The following MAF variants were observed in gnomAD, a reference collection of about 807,000 sequenced individuals.
The protein encoded by MAF is transcription factor Maf.
In MAF, 10 loss-of-function variants were observed where a neutral mutation model predicts 22.0. That is an observed-to-expected ratio of 0.45 (90% CI 0.28 to 0.77). The LOEUF is 0.77. Among genes scored for constraint, MAF ranks in the 30% least tolerant of loss-of-function variants. The pLI, the probability that MAF is intolerant of heterozygous loss-of-function variation, is 0.12. For missense variants in MAF, 544 were observed against 548.4 expected (o/e 0.99, Z 0.08); for synonymous variants, 337 against 255.8 (o/e 1.32, Z -3.03).
the MAF span, among the ~76,000 whole-genome samples, chr16:79,546,173 T>A: frequency 6.6e-6 from 1 of 152,122 alleles, no homozygotes; most frequent in Admixed American, 6.5e-5. Flanking sequence ...TTTTATTGGA[T>A]AAAGGACAAA....
the MAF span, among the ~76,000 whole-genome samples, chr16:79,220,906 A>C: frequency 6.6e-6 from 1 of 152,114 alleles, no homozygotes; most frequent in South Asian, 2.1e-4. Flanking sequence ...AGCACTGTTA[A>C]CCTTACCGGG....
chr16:79,416,654 T>C, the MAF span, among the ~76,000 whole-genome samples: 1 of 152,178 alleles, frequency 6.6e-6, no homozygotes, highest in East Asian at 1.9e-4. Flanking sequence ...TCAGATATTG[T>C]TCCTGGGAGC....
chr16:79,337,495 G>C, the MAF span, among the ~76,000 whole-genome samples: 1 of 152,126 alleles, frequency 6.6e-6, no homozygotes, highest in African/African-American at 2.4e-5. Context: ...TTGAACCTGG[G>C]AGGCGGAGGT....
the MAF span, among the ~76,000 whole-genome samples, chr16:79,518,959 A>AATCT: frequency 3.3e-5 from 5 of 152,194 alleles, no homozygotes; most frequent in African/African-American, 4.8e-5. Context: ...AAGCTTTATA[A>AATCT]ATCTTAGCTA....
At chr16:79,452,459 C>G in the MAF span, among the ~76,000 whole-genome samples, 2 of 152,152 alleles carry the variant, frequency 1.3e-5, no homozygotes, top group Admixed American at 6.5e-5. Context: ...CAATTTATAA[C>G]TGGCATTTCC....
the MAF span, among the ~76,000 whole-genome samples, chr16:79,539,152 T>C: frequency 1.3e-5 from 2 of 152,212 alleles, no homozygotes; most frequent in Non-Finnish European, 2.9e-5. Context: ...CCTGTGGTAT[T>C]TGTGGTAGTA....
chr16:79,358,061 G>A, the MAF span, among the ~76,000 whole-genome samples: 5 of 152,212 alleles, frequency 3.3e-5, no homozygotes, highest in Non-Finnish European at 5.9e-5. Flanking sequence ...GCAGGGATAT[G>A]GAAAGAACTC....
the MAF span, among the ~76,000 whole-genome samples, chr16:79,408,342 A>C: frequency 6.6e-6 from 1 of 151,946 alleles, no homozygotes. Context: ...ACGCCCAGCT[A>C]ATTTTGAATT....
At chr16:79,438,579 C>G in the MAF span, among the ~76,000 whole-genome samples, 1 of 152,040 alleles carries the variant, frequency 6.6e-6, no homozygotes, top group Non-Finnish European at 1.5e-5. Context: ...CCGGGAACCT[C>G]GAGGACAGGA....
chr16:79,470,703 G>A, the MAF span, among the ~76,000 whole-genome samples: 4 of 152,130 alleles, frequency 2.6e-5, no homozygotes, highest in Admixed American at 6.5e-5. Flanking sequence ...TGTACTACAG[G>A]AAAGACAGCC....
chr16:79,434,569 T>C, the MAF span, among the ~76,000 whole-genome samples: 2 of 152,216 alleles, frequency 1.3e-5, no homozygotes, highest in East Asian at 3.9e-4. Flanking sequence ...TTTTATATCA[T>C]ATGTTATGTT....
chr16:79,336,711 G>T, the MAF span, among the ~76,000 whole-genome samples: 2 of 152,168 alleles, frequency 1.3e-5, no homozygotes, highest in African/African-American at 4.8e-5. Flanking sequence ...TTTTACTCCA[G>T]GGAGTTTCAT....
chr16:79,469,085 G>A, the MAF span, among the ~76,000 whole-genome samples: 3 of 152,084 alleles, frequency 2.0e-5, no homozygotes, highest in South Asian at 6.2e-4. Flanking sequence ...GTGCCCAAGG[G>A]CCCAACTCAT....
chr16:79,526,421 G>A, the MAF span, among the ~76,000 whole-genome samples: 2 of 152,190 alleles, frequency 1.3e-5, no homozygotes. Flanking sequence ...GAGTGATGGG[G>A]AGTGGCTGTA....
the MAF span, among the ~76,000 whole-genome samples, chr16:79,251,953 A>C: frequency 2.6e-5 from 4 of 152,282 alleles, no homozygotes; most frequent in Non-Finnish European, 5.9e-5. Flanking sequence ...AATATTCCAC[A>C]AATGCCTAAT....
chr16:79,277,530 A>G, the MAF span, among the ~76,000 whole-genome samples: 2 of 152,128 alleles, frequency 1.3e-5, no homozygotes, highest in Non-Finnish European at 2.9e-5. Context: ...TACTATTATT[A>G]CTATTATTAT....
At chr16:79,266,137 G>T in the MAF span, among the ~76,000 whole-genome samples, 3 of 152,008 alleles carry the variant, frequency 2.0e-5, no homozygotes, top group Non-Finnish European at 4.4e-5. Context: ...ACCTCCCAAA[G>T]TGCTAGGATT....
At chr16:79,283,666 G>A in the MAF span, among the ~76,000 whole-genome samples, 12 of 152,104 alleles carry the variant, frequency 7.9e-5, no homozygotes, top group African/African-American at 2.2e-4. Flanking sequence ...TGGTAGTGTC[G>A]CCATAACCAA....
the MAF span, among the ~76,000 whole-genome samples, chr16:79,236,712 C>A: frequency 6.6e-6 from 1 of 151,880 alleles, no homozygotes; most frequent in South Asian, 2.1e-4. Flanking sequence ...CTCCAGGCTC[C>A]GCTCCTTTCC....
Sources: allele counts gnomAD v4.1 joint callset (sites outside exome capture counted in the v4.1 genomes callset), GRCh38; gene constraint gnomAD v4.1.1; transcripts MANE v1.5; gene names NCBI Gene and HGNC (gene_info 2026-07-23, HGNC 2026-07-21).